KIF26B: variants seen among roughly 807,000 people sequenced by gnomAD.
KIF26B encodes the protein kinesin-like protein KIF26B.
Under a neutral mutation model 151.2 loss-of-function variants are expected in KIF26B, and 63 were observed. That is an observed-to-expected ratio of 0.42 (90% confidence interval 0.34 to 0.51). The LOEUF (loss-of-function observed/expected upper bound fraction) is 0.51, where lower values mean the gene tolerates loss of function less well. KIF26B is among the 20% of genes least tolerant of loss of function. The pLI, the probability that KIF26B is intolerant of heterozygous loss-of-function variation, is 0.07. For synonymous variants in KIF26B, 1,357 were observed against 1,262.1 expected (o/e 1.08, Z -1.59); for missense variants, 2,813 against 2,913.6 (o/e 0.97, Z 0.79).
At chr1:245,427,848 A>G (rs1006884562) in intron 4 of KIF26B, among the ~76,000 whole-genome samples, 3 of 152,060 alleles carry the variant, frequency 2.0e-5, no homozygotes, top group Non-Finnish European at 2.9e-5. Context: ...AGGACTTCCC[A>G]TGGAAGCAGG....
At chr1:245,341,310 T>G (rs1056746541) in intron 2 of KIF26B, among the ~76,000 whole-genome samples, 1 of 59,324 alleles carries the variant, frequency 1.7e-5, no homozygotes, top group Admixed American at 2.6e-4. Flanking sequence ...GCAGTTTTTT[T>G]TTTTTTTTTT....
At chr1:245,640,121 T>TTCTCTCTC in intron 9 of KIF26B, among the ~76,000 whole-genome samples, 1 of 38,674 alleles carries the variant, frequency 2.6e-5, no homozygotes, top group African/African-American at 1.2e-4. Flanking sequence ...TACTAATATT[T>TTCTCTCTC]GCTCTCTCTC....
At chr1:245,368,670 C>A (rs1572027120) in intron 3 of KIF26B, among the ~76,000 whole-genome samples, 2 of 152,222 alleles carry the variant, frequency 1.3e-5, no homozygotes, top group Non-Finnish European at 2.9e-5. Flanking sequence ...AGACTTCTTC[C>A]ACCAAATGCG....
intron 2 of KIF26B, among the ~76,000 whole-genome samples, chr1:245,203,795 C>G (rs1669347476): frequency 6.6e-6 from 1 of 152,152 alleles, no homozygotes; most frequent in South Asian, 2.1e-4. Context: ...CTTGGCATCT[C>G]CCCCCGTGAC....
chr1:245,415,068 C>A (rs1674384259), intron 3 of KIF26B, among the ~76,000 whole-genome samples: 1 of 152,204 alleles, frequency 6.6e-6, no homozygotes, highest in Non-Finnish European at 1.5e-5. Context: ...AATAGCCAAC[C>A]AGTCTACATA....
At chr1:245,295,493 A>G (rs1402060148) in intron 2 of KIF26B, among the ~76,000 whole-genome samples, 3 of 152,162 alleles carry the variant, frequency 2.0e-5, no homozygotes, top group African/African-American at 7.2e-5. Context: ...CCATATCATC[A>G]GTTCATTTAG....
Position 245,686,981 on chromosome 1 carries a change from C to T in KIF26B, c.3998C>T (p.Pro1333Leu). The stretch of plus-strand genomic sequence containing the variant: ...ACCGCTGTGGTGTGCAGAGAGAAGC[C>T]CAAGGCCAGCCCCGACAACTTGCTC... ...QNTAVVCREKPKASPDNLLIL... is the reference protein window; with the variant it reads ...QNTAVVCREKLKASPDNLLIL... Residue 1333 changes from proline (P) to leucine (L), a missense_variant, in exon 12 of 15, where the codon CCC (proline) becomes CTC (leucine). Physicochemically the swap from Pro to Leu is moderately conservative, Grantham distance 98 (BLOSUM62 -3). Around this residue, in one of 3 missense-constraint regions of KIF26B, gnomAD observed 2,060 missense variants for 2,088.6 expected, o/e 0.99. Coordinates refer to ENST00000407071, the MANE Select transcript of KIF26B (RefSeq NM_018012.4). The surrounding 1 kb of genome is among the most constrained non-coding windows in gnomAD (Gnocchi z 5.6). The T allele has an allele frequency of 6.2e-7, 1 of 1,613,556 alleles. No homozygotes were observed. Among genetic ancestry groups the T allele is most frequent in the Non-Finnish European group, 8.5e-7 (1 of 1,179,844 alleles).
chr1:245,156,185 G>C, intron 1 of KIF26B, 97 bp from the exon 2 acceptor site: 1 of 1,470,098 alleles, frequency 6.8e-7, no homozygotes, highest in Non-Finnish European at 8.9e-7. Context: ...CCCGTGGGCG[G>C]TTCGAGCGGG....
chr1:245,324,633 C>A (rs1396980036), intron 2 of KIF26B, among the ~76,000 whole-genome samples: 3 of 152,244 alleles, frequency 2.0e-5, no homozygotes. Flanking sequence ...TATCTTCCTT[C>A]CCTTGAAATC....
chr1:245,385,169 G>A (rs764439175), intron 3 of KIF26B, among the ~76,000 whole-genome samples: 9 of 152,094 alleles, frequency 5.9e-5, no homozygotes, highest in Non-Finnish European at 1.3e-4. Context: ...TTACACAACA[G>A]GTTTGGCAGA....
At chr1:245,212,157 A>T (rs908629659) in intron 2 of KIF26B, among the ~76,000 whole-genome samples, 1 of 152,138 alleles carries the variant, frequency 6.6e-6, no homozygotes, top group African/African-American at 2.4e-5. Flanking sequence ...CCTCCATTTC[A>T]GTGCTTGGTA....
In KIF26B at chr1:245,156,452, G is replaced by T. The variant is rs906496262; in HGVS notation, c.234G>T (p.Pro78=). Residue 78 remains proline, a synonymous_variant, in exon 2 of 15, where the codon CCG becomes CCT. Transcript: ENST00000407071. ...TPSPGSGTSS[P]SSFTGSPGPA... is the part of the protein sequence containing the mutation. ...CTCCCGGCTCGGGCACCTCGTCCCCGAGCTCGTTCACCGGCTCCCCGGGAC... is the reference window on the plus strand; with the variant it reads ...CTCCCGGCTCGGGCACCTCGTCCCCTAGCTCGTTCACCGGCTCCCCGGGAC... 12 of 1,527,048 alleles carry T rather than the reference G, an allele frequency of 7.9e-6. No homozygotes were observed. The highest frequency in any genetic ancestry group is 7.9e-6 in the Non-Finnish European group (9 of 1,140,958). 94.6% of individuals were successfully genotyped at this position (1,527,048 alleles called of 1,614,324 possible). A position where few individuals can be genotyped will look rare whatever the true frequency, so the allele number is the denominator to read the frequency against.
chr1:245,326,079 A>C (rs968514194), intron 2 of KIF26B, among the ~76,000 whole-genome samples: 5 of 152,164 alleles, frequency 3.3e-5, no homozygotes, highest in Admixed American at 3.3e-4. Flanking sequence ...CAATCATGTC[A>C]CAGTCAAGAT....
chr1:245,210,139 G>A (rs995016989), intron 2 of KIF26B, among the ~76,000 whole-genome samples: 1 of 152,228 alleles, frequency 6.6e-6, no homozygotes, highest in Non-Finnish European at 1.5e-5. Context: ...TCAGCTCCCA[G>A]GGTGTCTGCA....
chr1:245,465,140 G>C (rs1281579945), intron 4 of KIF26B, among the ~76,000 whole-genome samples: 1 of 48,680 alleles, frequency 2.1e-5, no homozygotes, highest in Non-Finnish European at 4.3e-5. Flanking sequence ...CACCACACCC[G>C]GCTAATTTTT....
intron 5 of KIF26B, among the ~76,000 whole-genome samples, chr1:245,593,497 G>A (rs905387606): frequency 6.6e-6 from 1 of 152,178 alleles, no homozygotes; most frequent in Non-Finnish European, 1.5e-5. Flanking sequence ...CAAAGGACAT[G>A]AACTCATCCT....
rs1490890127 is a variant in KIF26B, at chr1:245,564,974, C to T, written c.1350+24024C>T. 1.3e-5 allele frequency among the ~76,000 whole-genome samples: 2 copies of T among 151,962 alleles called. No homozygotes were observed. The highest frequency in any genetic ancestry group is 2.4e-5 in the African/African-American group (1 of 41,326). The stretch of plus-strand genomic sequence containing the variant: ...TGTGGCCTGCTTCTTAACAGGACAC[C>T]GACTAGCACTGGTCCGTGGCCTGGG... On this transcript the variant is annotated intron_variant, in intron 5 of 14. Coordinates refer to ENST00000407071, the MANE Select transcript of KIF26B (RefSeq NM_018012.4). The surrounding 1 kb of genome is among the most constrained non-coding windows in gnomAD (Gnocchi z 4.6).
intron 2 of KIF26B, among the ~76,000 whole-genome samples, chr1:245,172,960 A>G (rs1220978210): frequency 6.6e-6 from 1 of 152,244 alleles, no homozygotes; most frequent in Non-Finnish European, 1.5e-5. Context: ...CCATGTTCAT[A>G]GCAGCCTTAT....
chr1:245,496,367 A>C (rs1053898907), intron 4 of KIF26B, among the ~76,000 whole-genome samples: 1 of 152,234 alleles, frequency 6.6e-6, no homozygotes, highest in Admixed American at 6.5e-5. Context: ...AAAAGAACAA[A>C]AATGGGGTTT....
Sources: gnomAD v4.1 joint callset for allele counts (sites outside exome capture counted in the v4.1 genomes callset) on GRCh38, gnomAD v4.1.1 for gene constraint, gnomAD v4.1.1 regional missense constraint, Gnocchi (gnomAD v3.1) non-coding constraint, MANE v1.5 for transcripts, NCBI Gene and HGNC (gene_info 2026-07-23, HGNC 2026-07-21) for gene names.